CCR5AS: variants seen among roughly 807,000 people sequenced by gnomAD.
CCR5AS encodes CCR5 antisense RNA.
At chr3:46,396,266 T>C (rs900121323) in intron 1 of CCR5AS, among the ~76,000 whole-genome samples, 5 of 151,870 alleles carry the variant, frequency 3.3e-5, no homozygotes, top group African/African-American at 1.2e-4. Context: ...CTGTGAAAAC[T>C]GGGCACTTCA....
At chr3:46,373,934 G>A (rs779328542) in intron 2 of CCR5AS, 7 of 1,578,062 alleles carry the variant, frequency 4.4e-6, no homozygotes, top group Non-Finnish European at 1.7e-6. Context: ...GATCCACTGG[G>A]GAGCAGGAAA....
At chr3:46,393,289 G>A (rs1166021716) in intron 1 of CCR5AS, among the ~76,000 whole-genome samples, 1 of 151,926 alleles carries the variant, frequency 6.6e-6, no homozygotes, top group Non-Finnish European at 1.5e-5. Flanking sequence ...AGTTAAGGCA[G>A]GAGCGGCCTA....
At chr3:46,377,696 C>T (rs1005028982) in intron 2 of CCR5AS, among the ~76,000 whole-genome samples, 1 of 151,878 alleles carries the variant, frequency 6.6e-6, no homozygotes, top group African/African-American at 2.4e-5. Context: ...AACCAGAAAA[C>T]AAATCATGAA....
At chr3:46,391,071 G>A (rs556746985) in intron 2 of CCR5AS, among the ~76,000 whole-genome samples, 2 of 152,242 alleles carry the variant, frequency 1.3e-5, no homozygotes, top group African/African-American at 2.4e-5. Flanking sequence ...CAGTCAGAGA[G>A]CCTTGGGCCA....
rs537428813 is a variant in CCR5AS, at chr3:46,365,711, A to T, written n.566-666T>A. Among the ~76,000 whole-genome samples the T allele has an allele frequency of 2.0e-5, 3 of 152,190 alleles. No homozygotes were observed. In the South Asian group the frequency reaches 6.2e-4, roughly 32 times the overall value. ...TGGTGGGGGCTCCAAATGGATCTAGATATGTGAGATCTCTCTTTGATTTGA... is the reference window on the plus strand; with the variant it reads ...TGGTGGGGGCTCCAAATGGATCTAGTTATGTGAGATCTCTCTTTGATTTGA... On this transcript the variant is annotated intron_variant and non_coding_transcript_variant, in intron 3 of 3. Transcript: ENST00000451485.
chr3:46,403,749 C>T (rs1275489357), intron 1 of CCR5AS, among the ~76,000 whole-genome samples: 2 of 152,310 alleles, frequency 1.3e-5, no homozygotes, highest in African/African-American at 2.4e-5. Context: ...GCGAGGAAGA[C>T]GCTCTTGGAG....
At chr3:46,384,910 T>TAGATAGAC (rs1553655570) in intron 2 of CCR5AS, among the ~76,000 whole-genome samples, 3 of 123,244 alleles carry the variant, frequency 2.4e-5, no homozygotes, top group African/African-American at 8.0e-5. Flanking sequence ...GATAGATAGA[T>TAGATAGAC]AGACAGACAG....
intron 1 of CCR5AS, among the ~76,000 whole-genome samples, chr3:46,400,446 G>A (rs575139096): frequency 8.5e-5 from 13 of 152,334 alleles, no homozygotes; most frequent in African/African-American, 2.6e-4. Context: ...GGATGTGATC[G>A]TGGGAGGGGC....
intron 1 of CCR5AS, among the ~76,000 whole-genome samples, chr3:46,394,105 C>G (rs568993945): frequency 8.0e-4 from 122 of 152,312 alleles, no homozygotes; most frequent in African/African-American, 2.5e-3. Context: ...GACAGTTCCA[C>G]CAGGAGACAT....
chr3:46,388,168 T>G (rs1260644426), intron 2 of CCR5AS, among the ~76,000 whole-genome samples: 1 of 151,984 alleles, frequency 6.6e-6, no homozygotes, highest in South Asian at 2.1e-4. Context: ...AACAAAATAG[T>G]GATGAAATGT....
chr3:46,365,778 A>T (rs149279660), intron 3 of CCR5AS, among the ~76,000 whole-genome samples: 11 of 151,940 alleles, frequency 7.2e-5, no homozygotes, highest in African/African-American at 2.4e-4. Context: ...GGCTCATCTC[A>T]CCCAGAAAGT....
chr3:46,381,303 G>A (rs929742610), intron 2 of CCR5AS, among the ~76,000 whole-genome samples: 3 of 152,186 alleles, frequency 2.0e-5, no homozygotes, highest in African/African-American at 7.2e-5. Flanking sequence ...TCCCTGCAGT[G>A]AGCCATCCTT....
At chr3:46,367,635 A>G (rs1701612722) in intron 3 of CCR5AS, among the ~76,000 whole-genome samples, 1 of 152,172 alleles carries the variant, frequency 6.6e-6, no homozygotes, top group East Asian at 1.9e-4. Flanking sequence ...CAATGGCCCA[A>G]TCTTGGTTCA....
chr3:46,393,381 G>T (rs1701932023), intron 1 of CCR5AS, among the ~76,000 whole-genome samples: 1 of 149,114 alleles, frequency 6.7e-6, no homozygotes, highest in South Asian at 2.1e-4. Flanking sequence ...TGATGGCTTA[G>T]CTTGGACTCA....
intron 2 of CCR5AS, among the ~76,000 whole-genome samples, chr3:46,378,671 G>T (rs1251203707): frequency 6.6e-6 from 1 of 152,138 alleles, no homozygotes; most frequent in Non-Finnish European, 1.5e-5. Context: ...CACCATCCCA[G>T]TTGTGAAAAA....
At chr3:46,364,525 A>G (rs1701582351) in exon 4 of CCR5AS, among the ~76,000 whole-genome samples, 1 of 152,204 alleles carries the variant, frequency 6.6e-6, no homozygotes, top group Non-Finnish European at 1.5e-5. Flanking sequence ...GTACGAGAAT[A>G]TTCATGTTGT....
exon 4 of CCR5AS, chr3:46,364,831 C>T (rs1274291981): frequency 2.0e-5 from 3 of 152,132 alleles, no homozygotes. Context: ...TGATTCCAAC[C>T]CCCATAGATG....
At chr3:46,378,769 C>T (rs190693252) in intron 2 of CCR5AS, among the ~76,000 whole-genome samples, 1 of 152,298 alleles carries the variant, frequency 6.6e-6, no homozygotes, top group East Asian at 1.9e-4. Flanking sequence ...ATTCGGGGTA[C>T]AGGTTGATGC....
chr3:46,406,659 C>T (rs1702051546), intron 1 of CCR5AS, among the ~76,000 whole-genome samples: 1 of 152,112 alleles, frequency 6.6e-6, no homozygotes. Context: ...GGGTCAGCTC[C>T]CCCATGAGTC....
Sources: allele counts gnomAD v4.1 joint callset (sites outside exome capture counted in the v4.1 genomes callset), GRCh38; gene constraint gnomAD v4.1.1; transcripts MANE v1.5; gene names NCBI Gene and HGNC (gene_info 2026-07-23, HGNC 2026-07-21).